SSC5D: variants seen among roughly 807,000 people sequenced by gnomAD.
The protein encoded by SSC5D is scavenger receptor cysteine rich family member with 5 domains.
In SSC5D, 106 loss-of-function variants were observed where a neutral mutation model predicts 104.6. That is an observed-to-expected ratio of 1.01 (90% CI 0.87 to 1.19). The LOEUF is 1.19. Among genes scored for constraint, SSC5D ranks in the 50% most tolerant of loss-of-function variants. The probability of loss-of-function intolerance (pLI) is 0.00; values close to 1 mark genes in which losing one functional copy is unlikely to be tolerated. For synonymous variants in SSC5D, 860 were observed against 883.5 expected (o/e 0.97, Z 0.47); for missense variants, 1,993 against 2,153.8 (o/e 0.93, Z 1.48).
Position 55,490,414 on chromosome 19 carries a change from C to T in SSC5D, c.586+6C>T, listed in dbSNP as rs998761137. 1.1e-5 allele frequency: 13 copies of T among 1,148,446 alleles called. No homozygotes were observed. In the African/African-American group the frequency reaches 1.9e-4, roughly 16 times the overall value. The allele number at this position is 1,148,446 out of a possible 1,614,324, so 71.1% of individuals were successfully genotyped here. A position where few individuals can be genotyped will look rare whatever the true frequency, so the allele number is the denominator to read the frequency against. Reference sequence around the variant, plus strand: ...GACAGGAGCCCCCCGCCAAGGTAAGCTCCCTGCAGGCTCCCCCGACCCCAA... The same window carrying T: ...GACAGGAGCCCCCCGCCAAGGTAAGTTCCCTGCAGGCTCCCCCGACCCCAA... On this transcript the variant is annotated splice_donor_region_variant and intron_variant, in intron 5 of 13. Transcript: ENST00000389623.
intron 12 of SSC5D, among the ~76,000 whole-genome samples, chr19:55,507,710 A>T (rs190667789): frequency 1.3e-5 from 2 of 151,840 alleles, no homozygotes; most frequent in East Asian, 3.9e-4. Context: ...ACATCTTACT[A>T]AGAAGGTGCC....
At chr19:55,504,414 G>A in intron 12 of SSC5D, 1 of 1,146,002 alleles carries the variant, frequency 8.7e-7, no homozygotes, top group Non-Finnish European at 1.1e-6. Flanking sequence ...AGACGAGGCA[G>A]GCATGCATTC....
In SSC5D at chr19:55,490,388, C is replaced by G. The variant is rs748737671; in HGVS notation, c.566C>G (p.Thr189Arg). Reference sequence around the variant, plus strand: ...AAGTCCACCCGGGCCCCTCTGCTGACGACAGGAGCCCCCCGCCAAGGTAAG... The same window carrying G: ...AAGTCCACCCGGGCCCCTCTGCTGAGGACAGGAGCCCCCCGCCAAGGTAAG... ...QAKSTRAPLL[T>R]TGAPRQERLR... is the part of the protein sequence containing the mutation. The change falls in exon 5 of 14, where the codon ACG (threonine) becomes AGG (arginine). Residue 189 changes from threonine (T) to arginine (R), a missense_variant. Around this residue, in one of 6 missense-constraint regions of SSC5D, gnomAD observed 1,101 missense variants for 1,085.0 expected, o/e 1.01. Coordinates refer to ENST00000389623, the MANE Select transcript of SSC5D (RefSeq NM_001144950.2). The G allele has an allele frequency of 1.4e-6, 2 of 1,462,342 alleles. No individual in the cohort carries two copies. The highest frequency in any genetic ancestry group is 1.3e-5 in the South Asian group (1 of 79,762). The allele number at this position is 1,462,342 out of a possible 1,614,324, so 90.6% of individuals were successfully genotyped here.
At chr19:55,495,233 A>ATATATATATAT (rs1555765051) in intron 8 of SSC5D, among the ~76,000 whole-genome samples, 2 of 50,666 alleles carry the variant, frequency 3.9e-5, no homozygotes, top group African/African-American at 2.0e-4. Context: ...ATATATATAT[A>ATATATATATAT]TTTTTTTTTT....
chr19:55,508,295 A>G (rs534017898), intron 12 of SSC5D, among the ~76,000 whole-genome samples: 2 of 152,258 alleles, frequency 1.3e-5, no homozygotes, highest in Admixed American at 1.3e-4. Flanking sequence ...TTATCACCCT[A>G]TGAGGTCATG....
chr19:55,501,057 C>T lies in SSC5D; in HGVS notation c.2641C>T (p.Pro881Ser), dbSNP rs61745098. 3.2e-6 allele frequency: 5 copies of T among 1,551,828 alleles called. No individual in the cohort carries two copies. In the South Asian group the frequency reaches 3.6e-5, roughly 11 times the overall value. Residue 881 changes from proline to serine, a missense_variant, in exon 12 of 14, where the codon CCC (proline) becomes TCC (serine). Physicochemically the swap from Pro to Ser is moderately conservative, Grantham distance 74. Coordinates refer to ENST00000389623, the MANE Select transcript of SSC5D (RefSeq NM_001144950.2). ...CTGYTDYDDY[P>S]PWTWDPTSRE... ...AGGCTACACAGACTATGACGATTATCCCCCCTGGACCTGGGACCCCACCTC... is the reference window on the plus strand; with the variant it reads ...AGGCTACACAGACTATGACGATTATTCCCCCTGGACCTGGGACCCCACCTC...
Position 55,493,798 on chromosome 19 carries a change from A to G in SSC5D, c.1099A>G (p.Ile367Val). 1.3e-6 allele frequency: 2 copies of G among 1,548,700 alleles called. No homozygotes were observed. The highest frequency in any genetic ancestry group is 8.7e-7 in the Non-Finnish European group (1 of 1,146,414). Residue 367 changes from isoleucine to valine, a missense_variant, in exon 7 of 14, where the codon ATC becomes GTC. This residue lies in a region of SSC5D where 1,101 missense variants were observed against 1,085.0 expected (regional missense o/e 1.01). Coordinates refer to ENST00000389623, the MANE Select transcript of SSC5D (RefSeq NM_001144950.2). ...AFFGEGSGPI[I>V]LDDLRCRGNE... is the part of the protein sequence containing the mutation. ...CTTTGGGGAGGGGTCTGGACCCATCATCCTGGACGACCTTCGGTGTCGGGG... is the reference window on the plus strand; with the variant it reads ...CTTTGGGGAGGGGTCTGGACCCATCGTCCTGGACGACCTTCGGTGTCGGGG...
intron 12 of SSC5D, among the ~76,000 whole-genome samples, chr19:55,505,112 A>G (rs1987611083): frequency 6.6e-6 from 1 of 151,734 alleles, no homozygotes; most frequent in Non-Finnish European, 1.5e-5. Flanking sequence ...GATTAGAACT[A>G]GTTGGGTGAC....
intron 13 of SSC5D, among the ~76,000 whole-genome samples, chr19:55,515,455 C>G (rs12975192): frequency 0.22 from 32,243 of 148,990 alleles, 3,688 homozygotes; most frequent in East Asian, 0.35. Context: ...AAACATTTGC[C>G]GGGCGCAGTG....
chr19:55,499,954 AAAC>A lies in SSC5D; in HGVS notation c.1848_1850del (p.Thr618del). The stretch of plus-strand genomic sequence containing the variant: ...AGTGTGACTGCCAGTGTTCTGGAGA[AAAC>A]AACCACGAAGGCCCCAGGGAAAATG... On this transcript the variant is annotated inframe_deletion, in exon 10 of 14. Transcript: ENST00000389623. 6.4e-7 allele frequency: 1 copy of A among 1,551,934 alleles called. No individual in the cohort carries two copies. The highest frequency in any genetic ancestry group is 8.7e-7 in the Non-Finnish European group (1 of 1,147,064).
chr19:55,514,039 G>C (rs1987813833), intron 13 of SSC5D, among the ~76,000 whole-genome samples: 1 of 152,158 alleles, frequency 6.6e-6, no homozygotes, highest in South Asian at 2.1e-4. Flanking sequence ...GTGTGAGTGA[G>C]GATGTGGGAA....
chr19:55,498,912 G>A (rs959632980), intron 9 of SSC5D, among the ~76,000 whole-genome samples: 1 of 152,202 alleles, frequency 6.6e-6, no homozygotes, highest in Non-Finnish European at 1.5e-5. Context: ...GGGAAGAGGC[G>A]CCTGAGGCAG....
At chr19:55,499,017 C>T (rs1450049971) in intron 9 of SSC5D, among the ~76,000 whole-genome samples, 1 of 152,206 alleles carries the variant, frequency 6.6e-6, no homozygotes, top group African/African-American at 2.4e-5. Flanking sequence ...AGTGGGACAA[C>T]ACACATGAGG....
chr19:55,508,293 C>T lies in SSC5D; in HGVS notation c.2786-4718C>T, dbSNP rs555573981. 5.9e-5 allele frequency among the ~76,000 whole-genome samples: 9 copies of T among 152,240 alleles called. No individual in the cohort carries two copies. The South Asian group carries it at 1.9e-3, about 32-fold the overall frequency. ...GGGGTATCGCCGGAGGTTTATCACC[C>T]TATGAGGTCATGCAGGGAGAAGAGG... On this transcript the variant is annotated intron_variant, in intron 12 of 13. Transcript: ENST00000389623.
chr19:55,518,328 C>T lies in SSC5D; in HGVS notation c.4052C>T (p.Ser1351Phe). ...LPTSLGTELS[S>F]PTLAPTVKPS... The stretch of plus-strand genomic sequence containing the variant: ...ACCTCCTTGGGGACAGAACTCTCCT[C>T]TCCCACTCTAGCACCAACAGTCAAG... The change falls in exon 14 of 14, where the codon TCT becomes TTT. Residue 1351 changes from serine (S) to phenylalanine (F), a missense_variant. Transcript: ENST00000389623. 3.2e-6 allele frequency: 5 copies of T among 1,551,346 alleles called. No homozygotes were observed. Among genetic ancestry groups the T allele is most frequent in the South Asian group, 1.2e-5 (1 of 84,038 alleles).
chr19:55,492,125 G>A (rs895712496), intron 6 of SSC5D: 1 of 152,362 alleles, frequency 6.6e-6, no homozygotes, highest in Admixed American at 6.5e-5. Flanking sequence ...CCCGGACGGG[G>A]TGGATCCTCA....
chr19:55,497,429 T>A (rs1013692313), intron 8 of SSC5D, among the ~76,000 whole-genome samples: 1 of 152,194 alleles, frequency 6.6e-6, no homozygotes, highest in African/African-American at 2.4e-5. Flanking sequence ...TTAATTGAGG[T>A]GACATTCATG....
At chr19:55,493,977 T>G in intron 7 of SSC5D, 65 bp downstream of exon 7, 3 of 23,766 alleles carry the variant, frequency 1.3e-4, no homozygotes, top group East Asian at 5.7e-4. Context: ...AGGGGCAAGT[T>G]CGGCGGGGGC....
Position 55,494,741 on chromosome 19 carries a change from C to G in SSC5D, c.1345C>G (p.Pro449Ala). The G allele has an allele frequency of 6.5e-7, 1 of 1,549,946 alleles. No individual in the cohort carries two copies. The highest frequency in any genetic ancestry group is 8.7e-7 in the Non-Finnish European group (1 of 1,146,508). The change falls in exon 8 of 14, where the codon CCA becomes GCA. Residue 449 changes from proline (P) to alanine (A), a missense_variant. Coordinates refer to ENST00000389623, the MANE Select transcript of SSC5D (RefSeq NM_001144950.2). Reference protein sequence around the residue: ...APGTAGVSPPPASPTVLWEPG... With the variant: ...APGTAGVSPPAASPTVLWEPG... ...AGGGACGGCAGGCGTTTCACCTCCT[C>G]CAGCCTCCCCTACTGTCCTTTGGGA...
Sources: gnomAD v4.1 joint callset for allele counts (sites outside exome capture counted in the v4.1 genomes callset) on GRCh38, gnomAD v4.1.1 for gene constraint, gnomAD v4.1.1 regional missense constraint, MANE v1.5 for transcripts, NCBI Gene and HGNC (gene_info 2026-07-23, HGNC 2026-07-21) for gene names.